SLC41A2: variants seen among roughly 807,000 people sequenced by gnomAD.
The protein encoded by SLC41A2 is SLC41A1-like 1.
SLC41A2 carries 32 observed loss-of-function variants against 58.3 expected under a neutral mutation model. That is an observed-to-expected ratio of 0.55 (90% CI 0.41 to 0.74). SLC41A2 has a LOEUF of 0.74. SLC41A2 is among the 30% of genes least tolerant of loss of function. The pLI is 0.00. For synonymous variants in SLC41A2, 190 were observed against 235.0 expected, an observed-to-expected ratio of 0.81 and a Z score of 1.75; for missense variants, 514 against 680.6, an observed-to-expected ratio of 0.76 and a Z score of 2.72.
At chr12:104,945,361 G>A (rs1345818914) in intron 1 of SLC41A2, among the ~76,000 whole-genome samples, 4 of 151,570 alleles carry the variant, frequency 2.6e-5, no homozygotes, top group Non-Finnish European at 5.9e-5. Flanking sequence ...TTAGCCGGGC[G>A]TGGTGGCGGG....
chr12:104,853,911 A>ATTATTAT, intron 8 of SLC41A2, among the ~76,000 whole-genome samples: 7 of 59,490 alleles, frequency 1.2e-4, no homozygotes, highest in Admixed American at 2.2e-4. Context: ...TGCCTGGCTG[A>ATTATTAT]TTTTTTTTTT....
At chr12:104,889,793 T>C (rs1256740700) in intron 4 of SLC41A2, among the ~76,000 whole-genome samples, 3 of 152,182 alleles carry the variant, frequency 2.0e-5, no homozygotes, top group South Asian at 4.1e-4. Flanking sequence ...ATTAGTGCTA[T>C]GAAAATTTCA....
rs184279041 is a variant in SLC41A2, at chr12:104,905,495, T to C, written c.663+4160A>G. ...GGCTGCAGGTGGAGCTGCCTGCCAGTCCTGCACCCTGTGCTCGCATTCCTC... is the reference window on the plus strand; with the variant it reads ...GGCTGCAGGTGGAGCTGCCTGCCAGCCCTGCACCCTGTGCTCGCATTCCTC... On this transcript the variant is annotated intron_variant, in intron 3 of 10. Transcript: ENST00000258538. Among the ~76,000 whole-genome samples, 396 of 152,350 alleles carry C rather than the reference T, an allele frequency of 2.6e-3. 14 individuals carry two copies. The East Asian group carries it at 0.066, about 25-fold the overall frequency.
At chr12:104,924,440 A>G (rs2046744903) in intron 2 of SLC41A2, among the ~76,000 whole-genome samples, 1 of 152,232 alleles carries the variant, frequency 6.6e-6, no homozygotes, top group African/African-American at 2.4e-5. Flanking sequence ...ATTCATGCAT[A>G]TGTGCATCAA....
chr12:104,902,210 C>T (rs2045599379), intron 3 of SLC41A2, among the ~76,000 whole-genome samples: 1 of 152,052 alleles, frequency 6.6e-6, no homozygotes, highest in Admixed American at 6.5e-5. Flanking sequence ...TCACCCTTCT[C>T]CCTGGAACCA....
chr12:104,806,962 T>C (rs1373322453), intron 10 of SLC41A2, among the ~76,000 whole-genome samples: 1 of 152,388 alleles, frequency 6.6e-6, no homozygotes, highest in Non-Finnish European at 1.5e-5. Context: ...ATTCTGGTTA[T>C]TAGCCCTTTG....
intron 1 of SLC41A2, among the ~76,000 whole-genome samples, chr12:104,936,759 C>T (rs1386565400): frequency 6.6e-6 from 1 of 151,914 alleles, no homozygotes; most frequent in Non-Finnish European, 1.5e-5. Flanking sequence ...CAGAGCCAAA[C>T]TATATCAGTG....
At chr12:104,871,370 G>GAATGTTGAATCTTGTTA (rs1249166254) in intron 6 of SLC41A2, among the ~76,000 whole-genome samples, 1 of 152,064 alleles carries the variant, frequency 6.6e-6, no homozygotes. Flanking sequence ...CCAGTTACTG[G>GAATGTTGAATCTTGTTA]CCCAATGTTG....
chr12:104,847,466 G>A (rs1006462115), intron 8 of SLC41A2, among the ~76,000 whole-genome samples: 40 of 151,998 alleles, frequency 2.6e-4, no homozygotes, highest in African/African-American at 9.4e-4. Context: ...CTAGCTTGGT[G>A]TGGTGGCGCG....
intron 4 of SLC41A2, 82 bp downstream of exon 4, chr12:104,895,192 T>C: frequency 1.1e-6 from 1 of 931,938 alleles, no homozygotes. Flanking sequence ...AGACTCATAG[T>C]ACTAAAATTT....
At chr12:104,949,187 C>T (rs542114294) in intron 1 of SLC41A2, among the ~76,000 whole-genome samples, 3 of 152,218 alleles carry the variant, frequency 2.0e-5, no homozygotes, top group South Asian at 4.2e-4. Flanking sequence ...CATTGCACTC[C>T]AGCCTGGGTA....
At chr12:104,820,161 T>C (rs2041569799) in intron 10 of SLC41A2, among the ~76,000 whole-genome samples, 1 of 152,218 alleles carries the variant, frequency 6.6e-6, no homozygotes, top group Non-Finnish European at 1.5e-5. Flanking sequence ...GAGACTGGTA[T>C]GAGCATCAGT....
chr12:104,853,357 A>T (rs2042869180), intron 8 of SLC41A2, among the ~76,000 whole-genome samples: 1 of 152,134 alleles, frequency 6.6e-6, no homozygotes, highest in African/African-American at 2.4e-5. Flanking sequence ...GCCCCTTCCT[A>T]TATCCCTACC....
At chr12:104,938,286 G>C (rs1054311267) in intron 1 of SLC41A2, among the ~76,000 whole-genome samples, 2 of 152,160 alleles carry the variant, frequency 1.3e-5, no homozygotes, top group Admixed American at 6.5e-5. Context: ...CTTGGTGGTG[G>C]ATACCTAGTG....
At chr12:104,846,312 A>T (rs1283968441) in intron 8 of SLC41A2, among the ~76,000 whole-genome samples, 1 of 152,238 alleles carries the variant, frequency 6.6e-6, no homozygotes, top group Admixed American at 6.5e-5. Flanking sequence ...AGCTGGACTT[A>T]CTCAAATAGA....
chr12:104,895,189 T>A (rs538386055), intron 4 of SLC41A2, 85 bp downstream of exon 4: 17 of 909,124 alleles, frequency 1.9e-5, no homozygotes, highest in Non-Finnish European at 3.1e-5. Context: ...GGTAGACTCA[T>A]AGTACTAAAA....
intron 10 of SLC41A2, among the ~76,000 whole-genome samples, chr12:104,821,692 T>C (rs191246121): frequency 4.7e-4 from 71 of 152,288 alleles, no homozygotes; most frequent in African/African-American, 1.6e-3. Flanking sequence ...ATACACACAG[T>C]AAAATAACAA....
Position 104,801,903 on chromosome 12 carries a change from G to C in SLC41A2, c.*3249C>G, listed in dbSNP as rs182012871. 4.6e-5 allele frequency among the ~76,000 whole-genome samples: 7 copies of C among 152,244 alleles called. No homozygotes were observed. The highest frequency in any genetic ancestry group is 3.4e-3 in the Middle Eastern group (1 of 294). ...TTCCACACTGGCTTGATGTTCTCTAGTTCATCAAGAAGTAAGCATAACAAG... is the reference window on the plus strand; with the variant it reads ...TTCCACACTGGCTTGATGTTCTCTACTTCATCAAGAAGTAAGCATAACAAG... On this transcript the variant is annotated 3_prime_UTR_variant, in exon 11 of 11. Transcript: ENST00000258538.
intron 1 of SLC41A2, among the ~76,000 whole-genome samples, chr12:104,942,139 T>C (rs1665895152): frequency 6.6e-6 from 1 of 152,082 alleles, no homozygotes; most frequent in Admixed American, 6.6e-5. Flanking sequence ...TTCTTACATG[T>C]ATCTTATTTT....
Sources: gnomAD v4.1 joint callset for allele counts (sites outside exome capture counted in the v4.1 genomes callset) on GRCh38, gnomAD v4.1.1 for gene constraint, MANE v1.5 for transcripts, NCBI Gene and HGNC (gene_info 2026-07-23, HGNC 2026-07-21) for gene names.